PCDHGB1: variants seen among roughly 807,000 people sequenced by gnomAD.
PCDHGB1 encodes protocadherin gamma subfamily B, 1, also known as protocadherin gamma-B1.
Under a neutral mutation model 56.6 loss-of-function variants are expected in PCDHGB1, and 34 were observed. That is an observed-to-expected ratio of 0.60 (90% confidence interval 0.46 to 0.80). The LOEUF (loss-of-function observed/expected upper bound fraction) is 0.80, where lower values mean the gene tolerates loss of function less well. Ranked by LOEUF, PCDHGB1 falls within the 30% of genes least tolerant of loss-of-function variation. PCDHGB1 has a pLI of 0.00. For synonymous variants in PCDHGB1, 561 were observed against 505.9 expected, an observed-to-expected ratio of 1.11 and a Z score of -1.46; for missense variants, 1,278 against 1,204.6, an observed-to-expected ratio of 1.06 and a Z score of -0.90.
chr5:141,361,717 T>G, intron 1 of PCDHGB1: 1 of 1,613,366 alleles, frequency 6.2e-7, no homozygotes, highest in Admixed American at 1.7e-5. Context: ...GCTGCGCGCC[T>G]TCGAGCTCAC....
intron 1 of PCDHGB1, chr5:141,414,940 G>C: frequency 7.4e-6 from 12 of 1,614,104 alleles, no homozygotes; most frequent in Non-Finnish European, 9.3e-6. Context: ...CGCAGAGCCC[G>C]GCTACCTGGT....
chr5:141,355,969 G>A (rs1359465657), intron 1 of PCDHGB1: 6 of 1,613,732 alleles, frequency 3.7e-6, no homozygotes, highest in Middle Eastern at 3.3e-4. Context: ...GAACGTTCCT[G>A]TAGGCACTCG....
intron 1 of PCDHGB1, chr5:141,374,675 G>A (rs1770710965): frequency 1.2e-6 from 2 of 1,610,644 alleles, no homozygotes; most frequent in South Asian, 1.1e-5. Flanking sequence ...GGTGCTGGAG[G>A]GCACACTGGA....
chr5:141,479,521 T>A (rs4912607), intron 1 of PCDHGB1: 2 of 152,104 alleles, frequency 1.3e-5, no homozygotes, highest in Non-Finnish European at 2.9e-5. Context: ...CTGGCCCAGG[T>A]TGGAAGTGGA....
chr5:141,384,431 C>T (rs750392601), intron 1 of PCDHGB1: 1 of 1,614,000 alleles, frequency 6.2e-7, no homozygotes, highest in South Asian at 1.1e-5. Context: ...AACTCTGACA[C>T]TGGAGTCCTG....
At chr5:141,392,107 C>T (rs1289551398) in intron 1 of PCDHGB1, 1 of 152,168 alleles carries the variant, frequency 6.6e-6, no homozygotes, top group Non-Finnish European at 1.5e-5. Flanking sequence ...AAAGCAACAA[C>T]TCTATAGAAA....
In PCDHGB1 at chr5:141,350,121, A is replaced by C; in HGVS notation, c.-140A>C. The C allele has an allele frequency of 1.6e-6, 1 of 625,990 alleles. No homozygotes were observed. The highest frequency in any genetic ancestry group is 2.4e-6 in the Non-Finnish European group (1 of 409,374). 38.8% of individuals were successfully genotyped at this position (625,990 alleles called of 1,614,324 possible). A position where few individuals can be genotyped will look rare whatever the true frequency, so the allele number is the denominator to read the frequency against. The stretch of plus-strand genomic sequence containing the variant: ...GGTGCCTTCCTGCTTTGTCCGGTGC[A>C]CTGAGCACAGACGCTGCTCCTGTTC... On this transcript the variant is annotated 5_prime_UTR_variant, in exon 1 of 4. Transcript: ENST00000523390.
At chr5:141,379,148 C>A (rs1775403253) in intron 1 of PCDHGB1, 1 of 152,174 alleles carries the variant, frequency 6.6e-6, no homozygotes, top group East Asian at 1.9e-4. Flanking sequence ...TCCTTTGTAA[C>A]CTGACTTTGT....
chr5:141,387,086 A>G (rs761672201), intron 1 of PCDHGB1, among the ~76,000 whole-genome samples: 4 of 152,226 alleles, frequency 2.6e-5, no homozygotes, highest in Non-Finnish European at 5.9e-5. Context: ...GCCTGTGATC[A>G]TCGAAATGAG....
Position 141,489,524 on chromosome 5 carries a change from T to TA in PCDHGB1, c.2410-5282dup. Reference sequence around the variant, plus strand: ...AATCAAAAGATTGACCGAGAAAGCCTATGTGGAGCCAGCACCAGCTGCCTG... The same window carrying TA: ...AATCAAAAGATTGACCGAGAAAGCCTAATGTGGAGCCAGCACCAGCTGCCTG... On this transcript the variant is annotated intron_variant, in intron 1 of 3. Transcript: ENST00000523390. This position sits in a 1 kb window ranked among gnomAD's most constrained non-coding sequence, Gnocchi z 4.5. 6.2e-7 allele frequency: 1 copy of TA among 1,614,076 alleles called. No homozygotes were observed. Among genetic ancestry groups the TA allele is most frequent in the Non-Finnish European group, 8.5e-7 (1 of 1,180,010 alleles).
At chr5:141,502,480 AC>A (rs145333712) in intron 2 of PCDHGB1, among the ~76,000 whole-genome samples, 7,822 of 152,242 alleles carry the variant, frequency 0.051, 439 homozygotes, top group African/African-American at 0.14. Flanking sequence ...GCAGCATCAC[AC>A]TGGGACTCAT....
chr5:141,399,133 G>T (rs1054849184), intron 1 of PCDHGB1: 2 of 1,613,832 alleles, frequency 1.2e-6, no homozygotes, highest in African/African-American at 1.3e-5. Flanking sequence ...TATTCAAGAT[G>T]AAAATGACAA....
intron 1 of PCDHGB1, chr5:141,389,993 G>T: frequency 6.2e-7 from 1 of 1,614,016 alleles, no homozygotes; most frequent in Non-Finnish European, 8.5e-7. Flanking sequence ...TCTTCCTCGT[G>T]GCCATGATTC....
chr5:141,355,132 G>C (rs1258521483), intron 1 of PCDHGB1: 2 of 1,519,092 alleles, frequency 1.3e-6, no homozygotes, highest in African/African-American at 2.8e-5. Flanking sequence ...GGACCCAGAA[G>C]ATCCTGGGGC....
At chr5:141,426,986 C>A (rs764345099) in intron 1 of PCDHGB1, 6 of 456,618 alleles carry the variant, frequency 1.3e-5, no homozygotes, top group Non-Finnish European at 2.2e-5. Flanking sequence ...CTGATGCCAA[C>A]GATAATGCCC....
At chr5:141,478,766 T>C in intron 1 of PCDHGB1, 2 of 1,505,456 alleles carry the variant, frequency 1.3e-6, no homozygotes, top group Non-Finnish European at 1.8e-6. Flanking sequence ...GATACTTGAC[T>C]CATCTGTGGA....
Position 141,489,317 on chromosome 5 carries a change from G to T in PCDHGB1, c.2410-5490G>T. ...ATGTTGTCCTTGTGCTGCTGGGGCT[G>T]GGTGTCTGGGCAGCTTCGTTACTCA... is the stretch of plus-strand genomic sequence containing the variant. On this transcript the variant is annotated intron_variant, in intron 1 of 3. Coordinates refer to ENST00000523390, the MANE Select transcript of PCDHGB1 (RefSeq NM_018922.3). The surrounding 1 kb of genome is among the most constrained non-coding windows in gnomAD (Gnocchi z 4.5). 6.3e-7 allele frequency: 1 copy of T among 1,598,654 alleles called. No homozygotes were observed. The highest frequency in any genetic ancestry group is 8.5e-7 in the Non-Finnish European group (1 of 1,171,456).
At chr5:141,460,849 G>A (rs908955373) in intron 1 of PCDHGB1, among the ~76,000 whole-genome samples, 1 of 150,224 alleles carries the variant, frequency 6.7e-6, no homozygotes, top group Non-Finnish European at 1.5e-5. Flanking sequence ...CCTCCAGTTC[G>A]ATCCAAGTTG....
chr5:141,362,229 G>T, intron 1 of PCDHGB1: 2 of 1,614,030 alleles, frequency 1.2e-6, no homozygotes, highest in Non-Finnish European at 1.7e-6. Context: ...CCTTGGCCTT[G>T]ATCTCAGTGC....
Sources: gnomAD v4.1 joint callset for allele counts (sites outside exome capture counted in the v4.1 genomes callset) on GRCh38, gnomAD v4.1.1 for gene constraint, Gnocchi (gnomAD v3.1) non-coding constraint, MANE v1.5 for transcripts, NCBI Gene and HGNC (gene_info 2026-07-23, HGNC 2026-07-21) for gene names.